Variants in NTNG1 observed in about 807,000 individuals in gnomAD.
NTNG1 encodes the protein netrin G1.
Under a neutral mutation model 54.0 loss-of-function variants are expected in NTNG1, and 16 were observed. The observed-to-expected ratio is 0.30, with a 90% CI of 0.20 to 0.45. The LOEUF is 0.45. Ranked by LOEUF, NTNG1 falls within the 20% of genes least tolerant of loss-of-function variation. The probability of loss-of-function intolerance (pLI) is 1.00; values close to 1 mark genes in which losing one functional copy is unlikely to be tolerated. For synonymous variants in NTNG1, 255 were observed against 263.1 expected (o/e 0.97, Z 0.30); for missense variants, 530 against 678.7 (o/e 0.78, Z 2.43).
intron 5 of NTNG1, among the ~76,000 whole-genome samples, chr1:107,429,381 CTTA>C (rs891446487): frequency 6.6e-6 from 1 of 152,006 alleles, no homozygotes; most frequent in African/African-American, 2.4e-5. Context: ...TTAGCCACCT[CTTA>C]TTATTATTTA....
At chr1:107,268,486 ATT>A (rs55816322) in intron 2 of NTNG1, among the ~76,000 whole-genome samples, 1,652 of 138,504 alleles carry the variant, frequency 0.012, 11 homozygotes, top group East Asian at 0.05. Context: ...CTCTCATCAT[ATT>A]TTTTTTTTTT....
chr1:107,417,294 G>A lies in NTNG1; in HGVS notation c.1087+9586G>A, dbSNP rs17018971. On this transcript the variant is annotated intron_variant, in intron 5 of 7. Transcript: ENST00000370068. ...GTGGATATATGTATGAGAACACAGC[G>A]AAAGAGAGCAACATTTCTGTTGGCT... 0.017 allele frequency among the ~76,000 whole-genome samples: 2,619 copies of A among 152,076 alleles called. 100 individuals are homozygous for A. The East Asian group carries it at 0.17, about 10-fold the overall frequency.
At chr1:107,374,933 C>T (rs1281852576) in intron 3 of NTNG1, among the ~76,000 whole-genome samples, 3 of 152,036 alleles carry the variant, frequency 2.0e-5, no homozygotes, top group Non-Finnish European at 4.4e-5. Flanking sequence ...TTAATTATTC[C>T]TCATTATTGA....
At chr1:107,222,630 T>C (rs1017298918) in intron 2 of NTNG1, among the ~76,000 whole-genome samples, 2 of 152,248 alleles carry the variant, frequency 1.3e-5, no homozygotes, top group Middle Eastern at 6.8e-3. Flanking sequence ...CCAAATATTG[T>C]TGGATGATTG....
At chr1:107,361,391 A>ATATATATATATTTT (rs370815306) in intron 3 of NTNG1, among the ~76,000 whole-genome samples, 1 of 88,000 alleles carries the variant, frequency 1.1e-5, no homozygotes, top group Non-Finnish European at 2.1e-5. Context: ...ATATATATAT[A>ATATATATATATTTT]TTTTTTTTTT....
intron 3 of NTNG1, among the ~76,000 whole-genome samples, chr1:107,351,215 A>AT (rs975120239): frequency 6.6e-6 from 1 of 152,192 alleles, no homozygotes; most frequent in Non-Finnish European, 1.5e-5. Context: ...ATGTTTTAGG[A>AT]TTTTGCCACT....
chr1:107,297,350 A>G (rs1016661296), intron 2 of NTNG1, among the ~76,000 whole-genome samples: 1 of 151,412 alleles, frequency 6.6e-6, no homozygotes, highest in Non-Finnish European at 1.5e-5. Context: ...GATAAAGAAA[A>G]AACAGAGGCA....
rs193214962 is a variant in NTNG1, at chr1:107,285,080, C to G, written c.247-39202C>G. On this transcript the variant is annotated intron_variant, in intron 2 of 7. Transcript: ENST00000370068. Reference sequence around the variant, plus strand: ...ACATTTGAGAATTACTAATTTTTCCCCAAAATTGGGTTATTCTACTTGATG... The same window carrying G: ...ACATTTGAGAATTACTAATTTTTCCGCAAAATTGGGTTATTCTACTTGATG... Among the ~76,000 whole-genome samples, 53 of 151,946 alleles carry G rather than the reference C, an allele frequency of 3.5e-4. No individual in the cohort carries two copies. The East Asian group carries it at 9.7e-3, about 28-fold the overall frequency.
intron 2 of NTNG1, among the ~76,000 whole-genome samples, chr1:107,278,400 C>A (rs1664616801): frequency 6.6e-6 from 1 of 152,162 alleles, no homozygotes; most frequent in East Asian, 1.9e-4. Flanking sequence ...ATAGAAAAGA[C>A]TTCAGGGAAA....
chr1:107,177,495 C>T (rs1050402339), intron 2 of NTNG1, among the ~76,000 whole-genome samples: 9 of 152,148 alleles, frequency 5.9e-5, no homozygotes, highest in East Asian at 5.8e-4. Flanking sequence ...CCACCATGCC[C>T]GGCTAATTTT....
intron 3 of NTNG1, 24 bp downstream of exon 3, chr1:107,324,946 C>T (rs771292881): frequency 6.3e-7 from 1 of 1,589,104 alleles, no homozygotes; most frequent in Admixed American, 1.7e-5. Context: ...TGTCTGCCTT[C>T]AATGGGAACG....
At chr1:107,146,305 C>T (rs769949362) in intron 1 of NTNG1, among the ~76,000 whole-genome samples, 4 of 151,958 alleles carry the variant, frequency 2.6e-5, no homozygotes, top group African/African-American at 2.4e-5. Flanking sequence ...ATGCCTCCAT[C>T]CCCCGGCCCT....
intron 3 of NTNG1, among the ~76,000 whole-genome samples, chr1:107,325,859 A>C (rs1667922635): frequency 6.6e-6 from 1 of 152,122 alleles, no homozygotes; most frequent in African/African-American, 2.4e-5. Flanking sequence ...AGATATCTTT[A>C]AATTGAAACA....
At chr1:107,205,122 C>G (rs902557340) in intron 2 of NTNG1, among the ~76,000 whole-genome samples, 1 of 152,172 alleles carries the variant, frequency 6.6e-6, no homozygotes, top group Non-Finnish European at 1.5e-5. Flanking sequence ...AATTCACACT[C>G]AACCTCCAAA....
chr1:107,161,192 T>C (rs1655372731), intron 2 of NTNG1, among the ~76,000 whole-genome samples: 1 of 152,168 alleles, frequency 6.6e-6, no homozygotes, highest in Non-Finnish European at 1.5e-5. Flanking sequence ...AACAGAGATA[T>C]ATTTGTTTGA....
In NTNG1 at chr1:107,150,028, G is replaced by A. The variant is rs569404957; in HGVS notation, c.246+1189G>A. On this transcript the variant is annotated intron_variant, in intron 2 of 7. Coordinates refer to ENST00000370068, the MANE Select transcript of NTNG1 (RefSeq NM_001113226.3). Reference sequence around the variant, plus strand: ...GTTTTGTAACAGGAAACAATTTTGAGCAATAAAGAGTGTTTTCACCTTAAA... The same window carrying A: ...GTTTTGTAACAGGAAACAATTTTGAACAATAAAGAGTGTTTTCACCTTAAA... 4.6e-5 allele frequency among the ~76,000 whole-genome samples: 7 copies of A among 152,232 alleles called. No homozygotes were observed. The East Asian group carries it at 1.2e-3, about 25-fold the overall frequency.
At chr1:107,445,777 C>T (rs986089796) in intron 7 of NTNG1, among the ~76,000 whole-genome samples, 7 of 152,072 alleles carry the variant, frequency 4.6e-5, no homozygotes, top group South Asian at 2.1e-4. Context: ...GCTACTCAAC[C>T]CTGCTATTGT....
chr1:107,218,468 G>A (rs1250816506), intron 2 of NTNG1, among the ~76,000 whole-genome samples: 1 of 152,154 alleles, frequency 6.6e-6, no homozygotes, highest in Non-Finnish European at 1.5e-5. Flanking sequence ...GTGTTGAGAT[G>A]TGAGGTACTA....
chr1:107,251,806 C>T (rs1307174937), intron 2 of NTNG1, among the ~76,000 whole-genome samples: 1 of 152,160 alleles, frequency 6.6e-6, no homozygotes, highest in Non-Finnish European at 1.5e-5. Flanking sequence ...CCAGTTTCTC[C>T]TCCCACTATT....
Sources: gnomAD v4.1 joint callset for allele counts (sites outside exome capture counted in the v4.1 genomes callset) on GRCh38, gnomAD v4.1.1 for gene constraint, MANE v1.5 for transcripts, NCBI Gene and HGNC (gene_info 2026-07-23, HGNC 2026-07-21) for gene names.